The following CTNNA2 variants were observed in gnomAD, a reference collection of about 807,000 sequenced individuals.
CTNNA2 encodes the protein catenin alpha-2.
A neutral mutation model predicts 101.0 loss-of-function variants in CTNNA2; 42 were observed. The observed-to-expected ratio is 0.42, with a 90% CI of 0.32 to 0.54. The LOEUF (loss-of-function observed/expected upper bound fraction) is 0.54, where lower values mean the gene tolerates loss of function less well. CTNNA2 is among the 20% of genes least tolerant of loss of function. The pLI is 0.14. For synonymous variants in CTNNA2, 450 were observed against 456.4 expected (o/e 0.99, Z 0.18); for missense variants, 871 against 1,223.1 (o/e 0.71, Z 4.29).
In CTNNA2 at chr2:80,302,393, G is replaced by T. The variant is rs761972903; in HGVS notation, c.1057-90818G>T. ...AGACATGGCAGCCATCTGATGCATG[G>T]TCTGTTTCTGCTTTTGCTTCCTGCG... On this transcript the variant is annotated intron_variant, in intron 7 of 18. Coordinates refer to ENST00000402739, the MANE Select transcript of CTNNA2 (RefSeq NM_001282597.3). This position sits in a 1 kb window ranked among gnomAD's most constrained non-coding sequence, Gnocchi z 6.4. 4.3e-6 allele frequency: 7 copies of T among 1,614,254 alleles called. No individual in the cohort carries two copies. The highest frequency in any genetic ancestry group is 5.9e-6 in the Non-Finnish European group (7 of 1,180,050).
chr2:80,305,181 G>A lies in CTNNA2; in HGVS notation c.1057-88030G>A, dbSNP rs796991180. The A allele has an allele frequency of 5.1e-6, 5 of 985,270 alleles. No individual in the cohort carries two copies. In the African/African-American group the frequency reaches 7.0e-5, roughly 14 times the overall value. 61.0% of individuals were successfully genotyped at this position (985,270 alleles called of 1,614,324 possible). On this transcript the variant is annotated intron_variant, in intron 7 of 18. Transcript: ENST00000402739. ...TTTGGGGCTTGGCTAAGATTTTTGGGGTTTTTTCCCCCTCTTGCGGGTACT... is the reference window on the plus strand; with the variant it reads ...TTTGGGGCTTGGCTAAGATTTTTGGAGTTTTTTCCCCCTCTTGCGGGTACT...
intron 15 of CTNNA2, among the ~76,000 whole-genome samples, chr2:80,600,291 T>C (rs1697369879): frequency 6.6e-6 from 1 of 151,968 alleles, no homozygotes; most frequent in African/African-American, 2.4e-5. Flanking sequence ...TTCAATTACC[T>C]TGGGATAAGG....
At chr2:79,665,583 T>G (rs1015399817) in intron 2 of CTNNA2, among the ~76,000 whole-genome samples, 1 of 152,206 alleles carries the variant, frequency 6.6e-6, no homozygotes, top group African/African-American at 2.4e-5. Context: ...CCAAGTTAAG[T>G]AGAGCTAAGA....
At chr2:79,513,776 A>G (rs567234462) in intron 1 of CTNNA2, among the ~76,000 whole-genome samples, 3 of 152,238 alleles carry the variant, frequency 2.0e-5, no homozygotes, top group Non-Finnish European at 4.4e-5. Flanking sequence ...TGCTGCCAAC[A>G]GCCCCCATAC....
intron 18 of CTNNA2, among the ~76,000 whole-genome samples, chr2:80,639,055 T>C (rs367982433): frequency 6.6e-6 from 1 of 151,102 alleles, no homozygotes; most frequent in Admixed American, 6.6e-5. Flanking sequence ...AGACCTCTTG[T>C]CCTCTTTTCT....
At chr2:80,373,106 T>C (rs1675607153) in intron 7 of CTNNA2, among the ~76,000 whole-genome samples, 1 of 152,150 alleles carries the variant, frequency 6.6e-6, no homozygotes, top group Non-Finnish European at 1.5e-5. Context: ...TCTAGGAGTC[T>C]CAGTGTTAAT....
At chr2:79,571,038 T>A (rs1464132532) in intron 1 of CTNNA2, among the ~76,000 whole-genome samples, 1 of 152,172 alleles carries the variant, frequency 6.6e-6, no homozygotes, top group Non-Finnish European at 1.5e-5. Context: ...AACAACCCAA[T>A]TTGTTTTCTT....
chr2:80,099,648 G>A (rs1040528369), intron 7 of CTNNA2, among the ~76,000 whole-genome samples: 1 of 151,912 alleles, frequency 6.6e-6, no homozygotes, highest in Non-Finnish European at 1.5e-5. Context: ...AATGCAGATT[G>A]CAGATCAGTT....
chr2:80,350,964 G>A (rs1488560277), intron 7 of CTNNA2, among the ~76,000 whole-genome samples: 2 of 152,100 alleles, frequency 1.3e-5, no homozygotes, highest in Admixed American at 1.3e-4. Flanking sequence ...CATAATGCAG[G>A]GTTTAAGCTA....
At chr2:79,248,837 G>A (rs1674731282) in intron 2 of CTNNA2, among the ~76,000 whole-genome samples, 1 of 152,212 alleles carries the variant, frequency 6.6e-6, no homozygotes, top group African/African-American at 2.4e-5. Flanking sequence ...GTGTATGAAT[G>A]AGACACTTAA....
At chr2:79,315,099 C>T (rs1263818551) in intron 3 of CTNNA2, among the ~76,000 whole-genome samples, 1 of 152,090 alleles carries the variant, frequency 6.6e-6, no homozygotes, top group Non-Finnish European at 1.5e-5. Flanking sequence ...CTCTCCTTCC[C>T]TCTTGTTTTC....
intron 3 of CTNNA2, among the ~76,000 whole-genome samples, chr2:79,837,694 G>A (rs1443816010): frequency 6.6e-6 from 1 of 150,906 alleles, no homozygotes; most frequent in East Asian, 1.9e-4. Context: ...TTACTCCCTA[G>A]CTCCTCAAAA....
At chr2:79,293,585 A>G (rs1272260230) in intron 2 of CTNNA2, among the ~76,000 whole-genome samples, 2 of 152,222 alleles carry the variant, frequency 1.3e-5, no homozygotes, top group African/African-American at 4.8e-5. Flanking sequence ...GTTGGAAGAG[A>G]CTTTGCTGAG....
chr2:80,536,772 T>A (rs574239452), intron 9 of CTNNA2, among the ~76,000 whole-genome samples: 102 of 152,324 alleles, frequency 6.7e-4, no homozygotes, highest in African/African-American at 2.1e-3. Context: ...AGACTGTGGC[T>A]CTTTTGAGAC....
intron 1 of CTNNA2, among the ~76,000 whole-genome samples, chr2:79,623,801 G>A (rs992380802): frequency 6.6e-6 from 1 of 152,050 alleles, no homozygotes; most frequent in African/African-American, 2.4e-5. Context: ...ATCAGTTTAG[G>A]TCAAAATACA....
intron 2 of CTNNA2, among the ~76,000 whole-genome samples, chr2:79,215,707 A>G (rs186439331): frequency 7.1e-4 from 108 of 152,306 alleles, no homozygotes; most frequent in Middle Eastern, 3.4e-3. Flanking sequence ...AAGGAGCATT[A>G]ACCTTGACTA....
intron 3 of CTNNA2, among the ~76,000 whole-genome samples, chr2:79,762,499 A>T (rs1388608734): frequency 6.6e-6 from 1 of 152,148 alleles, no homozygotes; most frequent in African/African-American, 2.4e-5. Context: ...ATGATTTTTT[A>T]TTAGTTTGTT....
At chr2:79,527,474 C>CAAAAAAAA (rs58822666) in intron 1 of CTNNA2, among the ~76,000 whole-genome samples, 22 of 85,186 alleles carry the variant, frequency 2.6e-4, no homozygotes, top group African/African-American at 3.1e-4. Flanking sequence ...ACTAAAAATA[C>CAAAAAAAA]AAAAAAAAAA....
chr2:79,604,001 A>G (rs1485300308), intron 1 of CTNNA2, among the ~76,000 whole-genome samples: 1 of 152,228 alleles, frequency 6.6e-6, no homozygotes, highest in African/African-American at 2.4e-5. Flanking sequence ...GGGGGACAGC[A>G]GTGAAATAGG....
Sources: gnomAD v4.1 joint callset for allele counts (sites outside exome capture counted in the v4.1 genomes callset) on GRCh38, gnomAD v4.1.1 for gene constraint, Gnocchi (gnomAD v3.1) non-coding constraint, MANE v1.5 for transcripts, NCBI Gene and HGNC (gene_info 2026-07-23, HGNC 2026-07-21) for gene names.